CNTN5: variants seen among roughly 807,000 people sequenced by gnomAD.
CNTN5 encodes the protein contactin 5.
In CNTN5, 77 loss-of-function variants were observed where a neutral mutation model predicts 129.1. The ratio of observed to expected loss-of-function variants is 0.60; its 90% CI spans 0.50 to 0.72. CNTN5 has a LOEUF of 0.72. Ranked by LOEUF, CNTN5 falls within the 30% of genes least tolerant of loss-of-function variation. The probability of loss-of-function intolerance (pLI) is 0.00; values close to 1 mark genes in which losing one functional copy is unlikely to be tolerated. For synonymous variants in CNTN5, 509 were observed against 465.6 expected (o/e 1.09, Z -1.20); for missense variants, 1,478 against 1,328.8 (o/e 1.11, Z -1.75).
intron 9 of CNTN5, among the ~76,000 whole-genome samples, chr11:100,004,437 T>A (rs1248624696): frequency 6.6e-6 from 1 of 152,174 alleles, no homozygotes; most frequent in Non-Finnish European, 1.5e-5. Context: ...TCTATGAATG[T>A]ACATGTTATC....
intron 3 of CNTN5, among the ~76,000 whole-genome samples, chr11:99,749,830 C>T (rs1944173258): frequency 6.6e-6 from 1 of 152,204 alleles, no homozygotes; most frequent in Non-Finnish European, 1.5e-5. Context: ...GTGGCCACCA[C>T]ATTCAGTCTC....
intron 6 of CNTN5, among the ~76,000 whole-genome samples, chr11:99,896,473 G>A (rs1936084276): frequency 6.6e-6 from 1 of 152,078 alleles, no homozygotes; most frequent in African/African-American, 2.4e-5. Context: ...AGATACAGAG[G>A]AGTAGCAGGC....
chr11:100,141,331 G>A (rs76535952), intron 13 of CNTN5, among the ~76,000 whole-genome samples: 4,080 of 152,110 alleles, frequency 0.027, 180 homozygotes, highest in African/African-American at 0.093. Context: ...AAGTGTTGAC[G>A]AGACTGCTTG....
At chr11:99,585,666 T>C (rs553235093) in intron 3 of CNTN5, among the ~76,000 whole-genome samples, 34 of 152,232 alleles carry the variant, frequency 2.2e-4, no homozygotes, top group African/African-American at 7.9e-4. Flanking sequence ...TTTCCAACTG[T>C]AAATGGGCCC....
At chr11:99,062,672 G>GC (rs1864936012) in intron 1 of CNTN5, among the ~76,000 whole-genome samples, 1 of 44,736 alleles carries the variant, frequency 2.2e-5, no homozygotes, top group Middle Eastern at 9.6e-3. Flanking sequence ...AAGCATTGAA[G>GC]GGGGTACATT....
intron 2 of CNTN5, among the ~76,000 whole-genome samples, chr11:99,423,792 T>G (rs1276498155): frequency 6.6e-6 from 1 of 151,712 alleles, no homozygotes; most frequent in African/African-American, 2.4e-5. Context: ...AGGCTTTGAG[T>G]GACAAGGTTA....
intron 7 of CNTN5, among the ~76,000 whole-genome samples, chr11:99,926,499 G>A (rs1031781359): frequency 1.3e-5 from 2 of 151,990 alleles, no homozygotes; most frequent in African/African-American, 2.4e-5. Flanking sequence ...ATTTTTGATG[G>A]TAGTTTTATT....
At chr11:99,984,185 G>C (rs939024018) in intron 8 of CNTN5, among the ~76,000 whole-genome samples, 1 of 152,110 alleles carries the variant, frequency 6.6e-6, no homozygotes, top group Non-Finnish European at 1.5e-5. Context: ...TCTGAGTCGA[G>C]AGAATCGCTT....
chr11:99,793,432 G>A (rs1029266320), intron 3 of CNTN5, among the ~76,000 whole-genome samples: 1 of 151,972 alleles, frequency 6.6e-6, no homozygotes, highest in Non-Finnish European at 1.5e-5. Context: ...ACATCTCAGT[G>A]TCCTTCATTT....
chr11:99,961,290 G>A (rs1950941392), intron 8 of CNTN5, among the ~76,000 whole-genome samples: 1 of 151,624 alleles, frequency 6.6e-6, no homozygotes, highest in Non-Finnish European at 1.5e-5. Flanking sequence ...TGGGCATGTA[G>A]TTAAACATGG....
chr11:100,092,422 C>G lies in CNTN5; in HGVS notation c.1580+18128C>G, dbSNP rs953597936. Among the ~76,000 whole-genome samples, 4 of 152,176 alleles carry G rather than the reference C, an allele frequency of 2.6e-5. No homozygotes were observed. The South Asian group carries it at 8.3e-4, about 32-fold the overall frequency. On this transcript the variant is annotated intron_variant, in intron 13 of 24. Transcript: ENST00000524871. Reference sequence around the variant, plus strand: ...AACACCCAGCTGTATTTAAGGCCTGCATTTTCGTGGTGAATGTGTCTCCAG... The same window carrying G: ...AACACCCAGCTGTATTTAAGGCCTGGATTTTCGTGGTGAATGTGTCTCCAG...
chr11:99,355,576 G>A (rs1457287283), intron 2 of CNTN5, among the ~76,000 whole-genome samples: 1 of 152,126 alleles, frequency 6.6e-6, no homozygotes, highest in African/African-American at 2.4e-5. Flanking sequence ...GATGGTGGTG[G>A]AGGGGTGGTG....
chr11:99,940,270 A>G (rs1284719617), intron 7 of CNTN5, among the ~76,000 whole-genome samples: 1 of 152,168 alleles, frequency 6.6e-6, no homozygotes, highest in Non-Finnish European at 1.5e-5. Flanking sequence ...ATTTTACATC[A>G]ACATTAAATT....
chr11:99,129,528 G>T (rs892893399), intron 1 of CNTN5, among the ~76,000 whole-genome samples: 2 of 152,146 alleles, frequency 1.3e-5, no homozygotes, highest in Non-Finnish European at 2.9e-5. Context: ...AAGCAAGTTG[G>T]AAAAGACACT....
chr11:99,179,578 C>A (rs868050775), intron 1 of CNTN5, among the ~76,000 whole-genome samples: 5 of 152,098 alleles, frequency 3.3e-5, no homozygotes, highest in Non-Finnish European at 5.9e-5. Flanking sequence ...ACATTTACCC[C>A]ACTCCTACAA....
chr11:99,614,153 G>A (rs1950683798), intron 3 of CNTN5, among the ~76,000 whole-genome samples: 1 of 152,178 alleles, frequency 6.6e-6, no homozygotes, highest in Non-Finnish European at 1.5e-5. Context: ...TCCAAATGTA[G>A]CAACAAGCTG....
intron 9 of CNTN5, among the ~76,000 whole-genome samples, chr11:100,009,029 C>T (rs114497201): frequency 0.01 from 1,585 of 152,044 alleles, 35 homozygotes; most frequent in African/African-American, 0.036. Flanking sequence ...ATATCTTTCC[C>T]ATATTCTTTA....
At chr11:99,554,613 G>A (rs1481626782) in intron 2 of CNTN5, among the ~76,000 whole-genome samples, 1 of 152,104 alleles carries the variant, frequency 6.6e-6, no homozygotes, top group African/African-American at 2.4e-5. Context: ...ATGGGACTGA[G>A]CACAAGCTCA....
rs193208327 is a variant in CNTN5, at chr11:99,557,824, A to G, written c.55+1555A>G. Among the ~76,000 whole-genome samples, 399 of 151,886 alleles carry G rather than the reference A, an allele frequency of 2.6e-3. 1 individual carries two copies. The highest frequency in any genetic ancestry group is 9.2e-3 in the African/African-American group (381 of 41,544). ...CAGAAATAAATTTAGTATTTCAGTT[A>G]TATAAGTTGTTATGTGTTGAATGTA... On this transcript the variant is annotated intron_variant, in intron 3 of 24. Coordinates refer to ENST00000524871, the MANE Select transcript of CNTN5 (RefSeq NM_014361.4).
Sources: gnomAD v4.1 joint callset for allele counts (sites outside exome capture counted in the v4.1 genomes callset) on GRCh38, gnomAD v4.1.1 for gene constraint, MANE v1.5 for transcripts, NCBI Gene and HGNC (gene_info 2026-07-23, HGNC 2026-07-21) for gene names.